DIP2C: variants seen among roughly 807,000 people sequenced by gnomAD.
DIP2C encodes the protein disco-interacting protein 2 homolog C.
In DIP2C, 33 loss-of-function variants were observed where a neutral mutation model predicts 192.4. That is an observed-to-expected ratio of 0.17 (90% CI 0.13 to 0.23). The LOEUF is 0.23. Ranked by LOEUF, DIP2C falls within the 10% of genes least tolerant of loss-of-function variation. DIP2C has a pLI of 1.00. For missense variants in DIP2C, 1,537 were observed against 2,110.1 expected (o/e 0.73, Z 5.32); for synonymous variants, 979 against 864.1 (o/e 1.13, Z -2.33).
chr10:554,061 G>T (rs1250424534), intron 1 of DIP2C, among the ~76,000 whole-genome samples: 1 of 151,812 alleles, frequency 6.6e-6, no homozygotes, highest in African/African-American at 2.4e-5. Context: ...GAACAGGCAA[G>T]AAATATACAT....
intron 4 of DIP2C, among the ~76,000 whole-genome samples, chr10:439,204 A>T (rs1194043418): frequency 1.3e-5 from 2 of 152,162 alleles, no homozygotes; most frequent in Non-Finnish European, 2.9e-5. Flanking sequence ...CCAAGGGAGC[A>T]CGTTGGCAGA....
chr10:414,794 G>GTA (rs1205176988), intron 7 of DIP2C, among the ~76,000 whole-genome samples: 1 of 108,836 alleles, frequency 9.2e-6, no homozygotes, highest in African/African-American at 3.6e-5. Context: ...TATATAAAAT[G>GTA]TATATATATT....
At chr10:556,768 C>T (rs1374177560) in intron 1 of DIP2C, among the ~76,000 whole-genome samples, 2 of 152,170 alleles carry the variant, frequency 1.3e-5, no homozygotes, top group South Asian at 2.1e-4. Context: ...TTTCTTGATG[C>T]ATCAAGCGAA....
Position 532,686 on chromosome 10 carries a change from TGAGAGAGTATGGGTGTGA to T in DIP2C, c.86-46174_86-46157del, listed in dbSNP as rs1564824798. On this transcript the variant is annotated intron_variant, in intron 1 of 36. Transcript: ENST00000280886. ...ATGGGTGTGAGAGAGAGTATGGGTGTGAGAGAGTATGGGTGTGAGAGAGAGTATGGGTGTGAGAGAGAG... is the reference window on the plus strand; with the variant it reads ...ATGGGTGTGAGAGAGAGTATGGGTGTGAGAGAGTATGGGTGTGAGAGAGAG... 3.0e-3 allele frequency among the ~76,000 whole-genome samples: 118 copies of T among 39,662 alleles called. 5 individuals carry two copies. Among genetic ancestry groups the T allele is most frequent in the African/African-American group, 7.4e-3 (43 of 5,788 alleles). The allele number at this position is 39,662 out of a possible 152,430, so 26.0% of individuals were successfully genotyped here.
In DIP2C at chr10:357,860, C is replaced by T; in HGVS notation, c.2872G>A (p.Gly958Ser). Residue 958 changes from glycine to serine, a missense_variant, in exon 23 of 37, where the codon GGT becomes AGT. This residue lies in a region of DIP2C where 677 missense variants were observed against 989.9 expected (regional missense o/e 0.68). Transcript: ENST00000280886. ...GCCTGGTCGTTATCTTCGATCTGAC[C>T]CAGGTCTCTGCCACTGGCCTGGGCG... ...RIAQASGRDL[G>S]QIEDNDQARK... 4 of 1,612,664 alleles carry T rather than the reference C, an allele frequency of 2.5e-6. No homozygotes were observed. The highest frequency in any genetic ancestry group is 3.4e-6 in the Non-Finnish European group (4 of 1,179,882).
rs1276133514 is a variant in DIP2C, at chr10:363,730, T to C, written c.2478-419A>G. ...AGAACTAGTGATTTTCTGCTAAGTGTATGTGCCTTATACTGTCAGCACAGC... is the reference window on the plus strand; with the variant it reads ...AGAACTAGTGATTTTCTGCTAAGTGCATGTGCCTTATACTGTCAGCACAGC... On this transcript the variant is annotated intron_variant, in intron 20 of 36. Transcript: ENST00000280886. The surrounding 1 kb of genome is among the most constrained non-coding windows in gnomAD (Gnocchi z 5.4). Among the ~76,000 whole-genome samples, 2 of 152,202 alleles carry C rather than the reference T, an allele frequency of 1.3e-5. No homozygotes were observed. The highest frequency in any genetic ancestry group is 2.9e-5 in the Non-Finnish European group (2 of 68,034).
At position 593,304 on chromosome 10, in the gene DIP2C, G is replaced by A. The variant is rs1044354329; in HGVS notation, c.85+96190C>T. ...GACTTCAGAGCCTGCAAACACCCAC[G>A]CCCAGTGTAACCCTAAGTCCACGTT... is the stretch of plus-strand genomic sequence containing the variant. On this transcript the variant is annotated intron_variant, in intron 1 of 36. Transcript: ENST00000280886. 7.2e-5 allele frequency among the ~76,000 whole-genome samples: 11 copies of A among 152,002 alleles called. No individual in the cohort carries two copies. The East Asian group carries it at 1.2e-3, about 16-fold the overall frequency.
intron 1 of DIP2C, among the ~76,000 whole-genome samples, chr10:625,333 C>G (rs1360742145): frequency 6.6e-6 from 1 of 152,200 alleles, no homozygotes; most frequent in African/African-American, 2.4e-5. Flanking sequence ...GAAAAAAAAT[C>G]ACAAAAACTC....
chr10:548,350 C>G (rs58217739), intron 1 of DIP2C, among the ~76,000 whole-genome samples: 3 of 151,152 alleles, frequency 2.0e-5, no homozygotes, highest in Non-Finnish European at 4.4e-5. Context: ...AAACATCCAG[C>G]CCCGAGACCC....
chr10:426,345 CA>C (rs1966598563), intron 4 of DIP2C, among the ~76,000 whole-genome samples: 1 of 152,060 alleles, frequency 6.6e-6, no homozygotes, highest in African/African-American at 2.4e-5. Context: ...AAAGGAGATC[CA>C]AATAAATGGA....
intron 1 of DIP2C, among the ~76,000 whole-genome samples, chr10:529,401 A>G (rs1313213958): frequency 2.0e-5 from 3 of 152,172 alleles, no homozygotes; most frequent in Admixed American, 1.3e-4. Context: ...AAGTATTTAA[A>G]TATTCAACTA....
At chr10:650,330 G>A (rs1022334707) in intron 1 of DIP2C, 4 of 716,472 alleles carry the variant, frequency 5.6e-6, no homozygotes, top group Non-Finnish European at 1.0e-5. Context: ...GACCACGCCA[G>A]CCCACAGCCA....
chr10:625,815 T>C (rs576863519), intron 1 of DIP2C, among the ~76,000 whole-genome samples: 1 of 152,282 alleles, frequency 6.6e-6, no homozygotes, highest in South Asian at 2.1e-4. Context: ...AAACTGCATA[T>C]TATAAAACTT....
chr10:307,028 C>T (rs994812488), intron 32 of DIP2C, among the ~76,000 whole-genome samples: 10 of 152,108 alleles, frequency 6.6e-5, no homozygotes, highest in African/African-American at 2.4e-5. Context: ...CCGGGAGAGC[C>T]GGTGGCTAAA....
chr10:399,591 G>A (rs376794543), intron 9 of DIP2C, among the ~76,000 whole-genome samples: 1 of 152,184 alleles, frequency 6.6e-6, no homozygotes, highest in Admixed American at 6.5e-5. Context: ...AGCATGTGCA[G>A]GACTCAGCTC....
intron 1 of DIP2C, among the ~76,000 whole-genome samples, chr10:588,675 CGTG>C (rs1044242534): frequency 1.3e-5 from 2 of 152,182 alleles, no homozygotes; most frequent in Non-Finnish European, 2.9e-5. Context: ...TGCTGACAGT[CGTG>C]AGGCAGGCAG....
intron 1 of DIP2C, among the ~76,000 whole-genome samples, chr10:597,081 G>A (rs574243689): frequency 6.6e-6 from 1 of 152,268 alleles, no homozygotes; most frequent in South Asian, 2.1e-4. Context: ...AGTGTAGGGG[G>A]CACCACCCTG....
chr10:567,951 G>A (rs1258148096), intron 1 of DIP2C, among the ~76,000 whole-genome samples: 1 of 152,190 alleles, frequency 6.6e-6, no homozygotes, highest in Admixed American at 6.5e-5. Context: ...GATAGAGGCT[G>A]AGGGGAGGCT....
rs1831469915 is a variant in DIP2C, at chr10:689,562, A to G, written c.17T>C (p.Leu6Pro). The change falls in exon 1 of 37, where the codon CTG (leucine) becomes CCG (proline). Residue 6 changes from leucine to proline, a missense_variant. Physicochemically the swap from Leu to Pro is moderately conservative, Grantham distance 98. Transcript: ENST00000280886. This position sits in a 1 kb window ranked among gnomAD's most constrained non-coding sequence, Gnocchi z 6.1. Reference protein sequence around the residue: MADRSLEGMALPLEVR... With the variant: MADRSPEGMALPLEVR... The stretch of plus-strand genomic sequence containing the variant: ...CTCCAGGGGCAGCGCCATGCCCTCC[A>G]GGCTGCGGTCCGCCATGCTCCGCGG... 1 of 1,249,438 alleles carries G rather than the reference A, an allele frequency of 8.0e-7. No homozygotes were observed. Among genetic ancestry groups the G allele is most frequent in the Non-Finnish European group, 1.0e-6 (1 of 981,654 alleles). The allele number at this position is 1,249,438 out of a possible 1,614,324, so 77.4% of individuals were successfully genotyped here. A position where few individuals can be genotyped will look rare whatever the true frequency, so the allele number is the denominator to read the frequency against.
Sources: allele counts gnomAD v4.1 joint callset (sites outside exome capture counted in the v4.1 genomes callset), GRCh38; gene constraint gnomAD v4.1.1; regional missense constraint gnomAD v4.1.1; non-coding constraint Gnocchi (gnomAD v3.1); transcripts MANE v1.5; gene names NCBI Gene and HGNC (gene_info 2026-07-23, HGNC 2026-07-21).